Variants in ALG6 observed in about 807,000 individuals in gnomAD.
The protein encoded by ALG6 is dolichyl pyrophosphate Man9GlcNAc2 alpha-1,3-glucosyltransferase.
A neutral mutation model predicts 66.6 loss-of-function variants in ALG6; 46 were observed. The observed-to-expected ratio is 0.69, with a 90% CI of 0.55 to 0.88. The LOEUF is 0.88. Among genes scored for constraint, ALG6 ranks in the 40% least tolerant of loss-of-function variants. The pLI is 0.00. For synonymous variants in ALG6, 185 were observed against 203.7 expected, an observed-to-expected ratio of 0.91 and a Z score of 0.78; for missense variants, 505 against 586.8, an observed-to-expected ratio of 0.86 and a Z score of 1.44.
At chr1:63,419,857 C>G (rs1644564800) in intron 12 of ALG6, among the ~76,000 whole-genome samples, 1 of 151,780 alleles carries the variant, frequency 6.6e-6, no homozygotes, top group South Asian at 2.1e-4. Context: ...CTTTTTTTGC[C>G]ACAAGCTTAG....
At chr1:63,370,043 C>G (rs1647862176) in intron 1 of ALG6, among the ~76,000 whole-genome samples, 1 of 152,034 alleles carries the variant, frequency 6.6e-6, no homozygotes, top group Non-Finnish European at 1.5e-5. Flanking sequence ...GTCTTGAACT[C>G]CTGACCTCAG....
At chr1:63,411,096 C>G (rs1644513458) in intron 7 of ALG6, 50 bp from the exon 8 acceptor site, 1 of 1,589,946 alleles carries the variant, frequency 6.3e-7, no homozygotes, top group Non-Finnish European at 8.6e-7. Context: ...TTTTTAAAAG[C>G]TCTATCTTTT....
intron 2 of ALG6, 133 bp downstream of exon 2, chr1:63,371,192 C>G: frequency 1.5e-6 from 1 of 663,058 alleles, no homozygotes; most frequent in Non-Finnish European, 2.7e-6. Flanking sequence ...TGAGAAAATA[C>G]ATTTAAATGT....
chr1:63,385,197 T>A (rs1232081905), intron 2 of ALG6, among the ~76,000 whole-genome samples: 1 of 43,364 alleles, frequency 2.3e-5, no homozygotes, highest in Non-Finnish European at 4.4e-5. Context: ...TTTTTTTTTT[T>A]TTTTTTTTTT....
At chr1:63,386,824 T>G (rs1393900463) in intron 2 of ALG6, among the ~76,000 whole-genome samples, 8 of 152,164 alleles carry the variant, frequency 5.3e-5, no homozygotes, top group Non-Finnish European at 8.8e-5. Context: ...TTTCTTCTAC[T>G]AATTTTCTGT....
chr1:63,410,096 G>A (rs1023987336), intron 7 of ALG6, among the ~76,000 whole-genome samples: 1 of 152,098 alleles, frequency 6.6e-6, no homozygotes, highest in Non-Finnish European at 1.5e-5. Context: ...TTGCAGGGTG[G>A]ATTGGCTTTT....
intron 14 of ALG6, among the ~76,000 whole-genome samples, chr1:63,435,844 T>A (rs974700322): frequency 6.6e-6 from 1 of 152,200 alleles, no homozygotes; most frequent in African/African-American, 2.4e-5. Context: ...ACAAAACATT[T>A]TCATTACTGC....
intron 9 of ALG6, 128 bp downstream of exon 9, chr1:63,412,189 T>A: frequency 7.2e-7 from 1 of 1,391,400 alleles, no homozygotes; most frequent in Non-Finnish European, 1.0e-6. Flanking sequence ...CCTTGCCAGT[T>A]ATTGCTTGAT....
chr1:63,385,454 G>C (rs1002512663), intron 2 of ALG6, among the ~76,000 whole-genome samples: 1 of 151,876 alleles, frequency 6.6e-6, no homozygotes, highest in African/African-American at 2.4e-5. Flanking sequence ...CTTGTGATCT[G>C]CCCATCTCAG....
chr1:63,435,679 TAG>T (rs1283582262), intron 14 of ALG6, among the ~76,000 whole-genome samples: 2 of 152,180 alleles, frequency 1.3e-5, no homozygotes, highest in South Asian at 2.1e-4. Flanking sequence ...GCTCACAGTC[TAG>T]AGTCACAGTC....
intron 4 of ALG6, 46 bp downstream of exon 4, chr1:63,402,389 G>T: frequency 7.6e-7 from 1 of 1,307,310 alleles, no homozygotes. Flanking sequence ...TATGCCCTTG[G>T]CAGATTTAGT....
At chr1:63,414,886 A>C (rs1390419942) in intron 10 of ALG6, among the ~76,000 whole-genome samples, 1 of 152,192 alleles carries the variant, frequency 6.6e-6, no homozygotes, top group African/African-American at 2.4e-5. Flanking sequence ...CTAGGGGGGA[A>C]GGAAGAGCAA....
At chr1:63,429,266 T>C in intron 14 of ALG6, 140 bp downstream of exon 14, 2 of 661,814 alleles carry the variant, frequency 3.0e-6, no homozygotes, top group South Asian at 4.1e-5. Context: ...AACTTAGTGG[T>C]TTTAAGTATG....
At chr1:63,432,831 T>A (rs1644654470) in intron 14 of ALG6, among the ~76,000 whole-genome samples, 1 of 152,174 alleles carries the variant, frequency 6.6e-6, no homozygotes, top group Non-Finnish European at 1.5e-5. Context: ...CGGTGGTGCA[T>A]TTTTAACTCA....
At chr1:63,397,623 A>C (rs1314135899) in intron 3 of ALG6, among the ~76,000 whole-genome samples, 3 of 152,218 alleles carry the variant, frequency 2.0e-5, no homozygotes, top group Admixed American at 2.0e-4. Flanking sequence ...AGAACTTCAT[A>C]GACATTTTTG....
At chr1:63,413,306 T>A (rs1644525616) in intron 9 of ALG6, among the ~76,000 whole-genome samples, 1 of 152,222 alleles carries the variant, frequency 6.6e-6, no homozygotes. Context: ...TTATTTGCCT[T>A]ACCTTCCATT....
At chr1:63,369,270 A>G (rs965332926) in intron 1 of ALG6, among the ~76,000 whole-genome samples, 1 of 152,250 alleles carries the variant, frequency 6.6e-6, no homozygotes, top group East Asian at 1.9e-4. Context: ...TTTGGCATCA[A>G]TGACAAAAGA....
intron 14 of ALG6, among the ~76,000 whole-genome samples, chr1:63,434,050 G>A (rs1457487171): frequency 1.3e-5 from 2 of 152,180 alleles, no homozygotes; most frequent in African/African-American, 4.8e-5. Context: ...GATTGGAGCT[G>A]GGTGAGGGAA....
At chr1:63,422,326 T>C (rs1463841620) in intron 12 of ALG6, among the ~76,000 whole-genome samples, 2 of 115,240 alleles carry the variant, frequency 1.7e-5, no homozygotes, top group South Asian at 2.3e-4. Context: ...TATATGAATA[T>C]ATATCTATAG....
Sources: allele counts gnomAD v4.1 joint callset (sites outside exome capture counted in the v4.1 genomes callset), GRCh38; gene constraint gnomAD v4.1.1; transcripts MANE v1.5; gene names NCBI Gene and HGNC (gene_info 2026-07-23, HGNC 2026-07-21).